The following BTF3 variants were observed in gnomAD, a reference collection of about 807,000 sequenced individuals.
BTF3 encodes basic transcription factor 3, also known as transcription factor BTF3.
BTF3 carries 12 observed loss-of-function variants against 23.9 expected under a neutral mutation model. The ratio of observed to expected loss-of-function variants is 0.50; its 90% CI spans 0.32 to 0.81. The LOEUF is 0.81. BTF3 is among the 40% of genes least tolerant of loss of function. BTF3 has a pLI of 0.03. For missense variants in BTF3, 215 were observed against 255.9 expected (o/e 0.84, Z 1.09); for synonymous variants, 96 against 94.8 (o/e 1.01, Z -0.07).
At chr5:73,500,930 T>C (rs1355819598) in intron 2 of BTF3, among the ~76,000 whole-genome samples, 14 of 127,756 alleles carry the variant, frequency 1.1e-4, no homozygotes, top group Admixed American at 8.1e-4. Context: ...TAACCAGTAC[T>C]TTTTTTTTTT....
At chr5:73,504,546 A>G (rs765445157) in intron 5 of BTF3, 143 bp downstream of exon 5, 15 of 557,196 alleles carry the variant, frequency 2.7e-5, no homozygotes, top group Non-Finnish European at 4.7e-5. Flanking sequence ...ATAATGCAGT[A>G]TTAGGTAATT....
In BTF3 at chr5:73,499,121, C is replaced by T. The variant is rs753113625; in HGVS notation, c.133-13C>T. 2.0e-5 allele frequency: 32 copies of T among 1,605,298 alleles called. No homozygotes were observed. In the Admixed American group the frequency reaches 3.6e-4, roughly 18 times the overall value. On this transcript the variant is annotated splice_polypyrimidine_tract_variant and intron_variant, in intron 1 of 5. Coordinates refer to ENST00000380591, the MANE Select transcript of BTF3 (RefSeq NM_001037637.2). The stretch of plus-strand genomic sequence containing the variant: ...CTAAACCTATCCTTGCTGAGGATTT[C>T]CTCTTTTTCTAGATGAAAGAAACAA...
chr5:73,502,753 G>A, intron 3 of BTF3, 152 bp downstream of exon 3: 2 of 833,008 alleles, frequency 2.4e-6, no homozygotes, highest in South Asian at 3.7e-5. Context: ...ATATCAGGGA[G>A]CTCATTAAGT....
In BTF3 at chr5:73,498,747, C is replaced by A; in HGVS notation, c.80C>A (p.Ala27Glu). 4 of 1,491,918 alleles carry A rather than the reference C, an allele frequency of 2.7e-6. No individual in the cohort carries two copies. The highest frequency in any genetic ancestry group is 3.5e-6 in the Non-Finnish European group (4 of 1,131,190). The allele number at this position is 1,491,918 out of a possible 1,614,324, so 92.4% of individuals were successfully genotyped here. Reference protein sequence around the residue: ...RARGGCPGGEATLSQPPPRGG... With the variant: ...RARGGCPGGEETLSQPPPRGG... ...AGGGGCGGCTGCCCTGGGGGCGAGGCGACGCTGTCTCAACCTCCACCTCGC... is the reference window on the plus strand; with the variant it reads ...AGGGGCGGCTGCCCTGGGGGCGAGGAGACGCTGTCTCAACCTCCACCTCGC... Residue 27 changes from alanine (A) to glutamate (E), a missense_variant, in exon 1 of 6, where the codon GCG becomes GAG. This residue lies in a region of BTF3 where 116 missense variants were observed against 84.7 expected (regional missense o/e 1.37). Coordinates refer to ENST00000380591, the MANE Select transcript of BTF3 (RefSeq NM_001037637.2).
chr5:73,499,544 T>G (rs819564), intron 2 of BTF3: 308,194 of 382,506 alleles, frequency 0.81, 125,681 homozygotes, highest in East Asian at 1. Flanking sequence ...GGCCTGAGTT[T>G]TCTAAAGTCA....
intron 1 of BTF3, 139 bp from the exon 2 acceptor site, chr5:73,498,995 G>T: frequency 1.6e-6 from 2 of 1,249,378 alleles, no homozygotes; most frequent in Non-Finnish European, 2.2e-6. Flanking sequence ...CAAATTTGGA[G>T]CTTTGCGGGG....
intron 4 of BTF3, among the ~76,000 whole-genome samples, chr5:73,503,613 G>T (rs1329548060): frequency 6.6e-6 from 1 of 152,192 alleles, no homozygotes; most frequent in African/African-American, 2.4e-5. Context: ...GCAGTGTTAT[G>T]CTGTTTTCTG....
At chr5:73,502,716 A>T in intron 3 of BTF3, 115 bp downstream of exon 3, 1 of 848,246 alleles carries the variant, frequency 1.2e-6, no homozygotes, top group Non-Finnish European at 1.8e-6. Context: ...AAAGTCCCTA[A>T]GATGTGTTTC....
At chr5:73,502,264 G>T (rs1306024458) in intron 2 of BTF3, among the ~76,000 whole-genome samples, 1 of 151,412 alleles carries the variant, frequency 6.6e-6, no homozygotes, top group African/African-American at 2.4e-5. Flanking sequence ...ATCACTTTTA[G>T]AGCAAATGTA....
chr5:73,505,163 A>C lies in BTF3; in HGVS notation c.575-29A>C, dbSNP rs150911813. 7.3e-4 allele frequency: 1,161 copies of C among 1,594,022 alleles called. 2 individuals carry two copies. Among genetic ancestry groups the C allele is most frequent in the Non-Finnish European group, 8.6e-4 (1,005 of 1,171,520 alleles). On this transcript the variant is annotated intron_variant, in intron 5 of 5. Coordinates refer to ENST00000380591, the MANE Select transcript of BTF3 (RefSeq NM_001037637.2). ...AATTATTTGTAGATTTGGCTTTTTT[A>C]AGAATTTCTACTCTTTTCCTTTTCC... is the stretch of plus-strand genomic sequence containing the variant.
In BTF3 at chr5:73,502,613, A is replaced by C; in HGVS notation, c.315+12A>C. On this transcript the variant is annotated intron_variant, in intron 3 of 5. Transcript: ENST00000380591. ...CTGGTATTGAAGAGGCAAGTATCAA[A>C]TTTTGTTACTTTAAAAAACAAGATT... 5.7e-6 allele frequency: 9 copies of C among 1,567,104 alleles called. No homozygotes were observed. Among genetic ancestry groups the C allele is most frequent in the Non-Finnish European group, 6.9e-6 (8 of 1,160,270 alleles).
intron 5 of BTF3, among the ~76,000 whole-genome samples, 197 bp from the exon 6 acceptor site, chr5:73,504,995 A>G (rs1272590965): frequency 2.9e-5 from 4 of 138,606 alleles, no homozygotes; most frequent in African/African-American, 1.2e-4. Flanking sequence ...CTCCCCCACT[A>G]TTGACCAATG....
In BTF3 at chr5:73,503,010, A is replaced by T; in HGVS notation, c.410A>T (p.His137Leu). 2 of 1,613,956 alleles carry T rather than the reference A, an allele frequency of 1.2e-6. No homozygotes were observed. The highest frequency in any genetic ancestry group is 1.7e-6 in the Non-Finnish European group (2 of 1,179,906). ...GCGAACACTTTCACCATTACAGGCCATGCTGAGACAAAGCAGCTGACAGAA... is the reference window on the plus strand; with the variant it reads ...GCGAACACTTTCACCATTACAGGCCTTGCTGAGACAAAGCAGCTGACAGAA... ...LAANTFTITG[H>L]AETKQLTEML... The change falls in exon 4 of 6, where the codon CAT becomes CTT. Residue 137 changes from histidine (H) to leucine (L), a missense_variant. By Grantham distance (99) the His-to-Leu change is moderately conservative. Transcript: ENST00000380591.
At chr5:73,502,715 A>G (rs1317739055) in intron 3 of BTF3, 114 bp downstream of exon 3, 1 of 849,382 alleles carries the variant, frequency 1.2e-6, no homozygotes, top group East Asian at 2.7e-5. Flanking sequence ...CAAAGTCCCT[A>G]AGATGTGTTT....
chr5:73,503,051 T>G lies in BTF3; in HGVS notation c.451T>G (p.Leu151Val). 1.2e-6 allele frequency: 2 copies of G among 1,614,080 alleles called. No homozygotes were observed. Among genetic ancestry groups the G allele is most frequent in the Non-Finnish European group, 1.7e-6 (2 of 1,179,972 alleles). Reference sequence around the variant, plus strand: ...GCTGACAGAAATGCTACCCAGCATCTTAAACCAGCTTGGTGCGGATAGTCT... The same window carrying G: ...GCTGACAGAAATGCTACCCAGCATCGTAAACCAGCTTGGTGCGGATAGTCT... ...KQLTEMLPSI[L>V]NQLGADSLTS... Residue 151 changes from leucine to valine, a missense_variant, in exon 4 of 6, where the codon TTA (leucine) becomes GTA (valine). Physicochemically the swap from Leu to Val is conservative, Grantham distance 32. Coordinates refer to ENST00000380591, the MANE Select transcript of BTF3 (RefSeq NM_001037637.2).
intron 5 of BTF3, 61 bp downstream of exon 5, chr5:73,504,464 T>C (rs1242809209): frequency 6.8e-7 from 1 of 1,465,112 alleles, no homozygotes; most frequent in Non-Finnish European, 9.4e-7. Context: ...AAGAAATCTT[T>C]GTAGGAAAAA....
chr5:73,504,344 T>C lies in BTF3; in HGVS notation c.518-3T>C. The C allele has an allele frequency of 6.5e-7, 1 of 1,540,616 alleles. No homozygotes were observed. The highest frequency in any genetic ancestry group is 8.8e-7 in the Non-Finnish European group (1 of 1,139,526). On this transcript the variant is annotated splice_polypyrimidine_tract_variant and splice_region_variant and intron_variant, in intron 4 of 5. Coordinates refer to ENST00000380591, the MANE Select transcript of BTF3 (RefSeq NM_001037637.2). ...AAATAATGTTTACATTTTCCTTTCATAGCTGTGGATGGAAAAGCACCACTT... is the reference window on the plus strand; with the variant it reads ...AAATAATGTTTACATTTTCCTTTCACAGCTGTGGATGGAAAAGCACCACTT...
intron 3 of BTF3, 116 bp downstream of exon 3, chr5:73,502,717 G>GTTAAA: frequency 1.2e-6 from 1 of 837,142 alleles, no homozygotes; most frequent in Non-Finnish European, 1.8e-6. Context: ...AAGTCCCTAA[G>GTTAAA]ATGTGTTTCT....
Position 73,498,549 on chromosome 5 carries a change from C to T in BTF3, c.-119C>T. 7.3e-7 allele frequency: 1 copy of T among 1,372,938 alleles called. No individual in the cohort carries two copies. The highest frequency in any genetic ancestry group is 9.4e-7 in the Non-Finnish European group (1 of 1,066,668). 85.0% of individuals were successfully genotyped at this position (1,372,938 alleles called of 1,614,324 possible). A position where few individuals can be genotyped will look rare whatever the true frequency, so the allele number is the denominator to read the frequency against. ...AGTCCCCCGCGCGGCCCCTTATTCG[C>T]TCCGACAAGGTACAAAAAGGCTCTG... On this transcript the variant is annotated 5_prime_UTR_variant, in exon 1 of 6. Coordinates refer to ENST00000380591, the MANE Select transcript of BTF3 (RefSeq NM_001037637.2).
Sources: gnomAD v4.1 joint callset for allele counts (sites outside exome capture counted in the v4.1 genomes callset) on GRCh38, gnomAD v4.1.1 for gene constraint, gnomAD v4.1.1 regional missense constraint, MANE v1.5 for transcripts, NCBI Gene and HGNC (gene_info 2026-07-23, HGNC 2026-07-21) for gene names.